The following HAL variants were observed in gnomAD, a reference collection of about 807,000 sequenced individuals.
HAL encodes histidine ammonia-lyase.
Under a neutral mutation model 81.1 loss-of-function variants are expected in HAL, and 85 were observed. The ratio of observed to expected loss-of-function variants is 1.05; its 90% CI spans 0.88 to 1.25. HAL has a LOEUF of 1.25. HAL is among the 50% of genes most tolerant of loss of function. The probability of loss-of-function intolerance (pLI) is 0.00; values close to 1 mark genes in which losing one functional copy is unlikely to be tolerated. For synonymous variants in HAL, 301 were observed against 309.2 expected, an observed-to-expected ratio of 0.97 and a Z score of 0.28; for missense variants, 798 against 836.6, an observed-to-expected ratio of 0.95 and a Z score of 0.57.
intron 4 of HAL, 52 bp downstream of exon 4, chr12:95,994,746 T>G (rs1950011935): frequency 6.4e-7 from 1 of 1,572,616 alleles, no homozygotes; most frequent in African/African-American, 1.3e-5. Context: ...TCCTCCCTCT[T>G]AAATAAGGGG....
intron 15 of HAL, among the ~76,000 whole-genome samples, chr12:95,982,760 T>A (rs571776154): frequency 6.6e-6 from 1 of 152,378 alleles, no homozygotes; most frequent in Non-Finnish European, 1.5e-5. Flanking sequence ...ACTCAGCCTG[T>A]GACCTGCTTT....
At chr12:95,983,100 G>A (rs770490185) in intron 15 of HAL, among the ~76,000 whole-genome samples, 4 of 152,188 alleles carry the variant, frequency 2.6e-5, no homozygotes, top group Non-Finnish European at 5.9e-5. Flanking sequence ...AAAAACTCAT[G>A]ATGGGGGCTG....
In HAL at chr12:95,976,095, G is replaced by A. The variant is rs1468955852; in HGVS notation, c.1833+334C>T. On this transcript the variant is annotated intron_variant, in intron 20 of 20. Coordinates refer to ENST00000261208, the MANE Select transcript of HAL (RefSeq NM_002108.4). ...GTGATAGCATCACCCAGAAGGGAAC[G>A]CACTTTTGAATCAAAGAGGACATCT... is the stretch of plus-strand genomic sequence containing the variant. 5 of 375,804 alleles carry A rather than the reference G, an allele frequency of 1.3e-5. No homozygotes were observed. The East Asian group carries it at 2.0e-4, about 15-fold the overall frequency. 23.3% of individuals were successfully genotyped at this position (375,804 alleles called of 1,614,324 possible). A position where few individuals can be genotyped will look rare whatever the true frequency, so the allele number is the denominator to read the frequency against.
chr12:95,989,905 A>G (rs1240145824), intron 10 of HAL: 1 of 216,750 alleles, frequency 4.6e-6, no homozygotes, highest in Non-Finnish European at 9.3e-6. Context: ...ATGCTGCTGT[A>G]ATGAAATTCA....
chr12:95,993,502 G>GT lies in HAL; in HGVS notation c.552-15dup. The stretch of plus-strand genomic sequence containing the variant: ...ACCTGAAGCTCCCTGCAACAGAAAG[G>GT]TAAAAACCCTCTTAGATACATTGCA... On this transcript the variant is annotated splice_polypyrimidine_tract_variant and intron_variant, in intron 7 of 20. Transcript: ENST00000261208. 1.3e-6 allele frequency: 2 copies of GT among 1,569,290 alleles called. No individual in the cohort carries two copies. The highest frequency in any genetic ancestry group is 1.8e-6 in the Non-Finnish European group (2 of 1,138,928).
chr12:95,993,212 AG>A (rs1440631259), intron 8 of HAL, among the ~76,000 whole-genome samples: 1 of 152,138 alleles, frequency 6.6e-6, no homozygotes, highest in Non-Finnish European at 1.5e-5. Context: ...TGAATGCAAC[AG>A]TGTCTCCATG....
At chr12:95,981,485 G>A (rs534059142) in intron 15 of HAL, among the ~76,000 whole-genome samples, 1 of 152,070 alleles carries the variant, frequency 6.6e-6, no homozygotes, top group Admixed American at 6.5e-5. Flanking sequence ...TTTATTTTCT[G>A]TATCATTCTG....
intron 2 of HAL, 75 bp downstream of exon 2, chr12:95,995,589 G>A (rs539607859): frequency 1.9e-6 from 3 of 1,590,252 alleles, no homozygotes; most frequent in African/African-American, 2.7e-5. Context: ...TTTCCCTGAG[G>A]TGGGGGTTCA....
intron 5 of HAL, 24 bp from the exon 6 acceptor site, chr12:95,994,022 G>C: frequency 6.2e-7 from 1 of 1,604,194 alleles, no homozygotes; most frequent in South Asian, 1.1e-5. Context: ...GATCAGAACT[G>C]AGCACGTTAA....
chr12:95,995,644 C>G lies in HAL; in HGVS notation c.247+20G>C, dbSNP rs1421827556. ...AGGCCAAACCGCACCCGTTCGCGGC[C>G]CTCTCCTGCAGCCACTCACCCACTT... is the stretch of plus-strand genomic sequence containing the variant. On this transcript the variant is annotated intron_variant, in intron 2 of 20. Coordinates refer to ENST00000261208, the MANE Select transcript of HAL (RefSeq NM_002108.4). 1 of 1,612,588 alleles carries G rather than the reference C, an allele frequency of 6.2e-7. No individual in the cohort carries two copies. The highest frequency in any genetic ancestry group is 2.2e-5 in the East Asian group (1 of 44,880).
At chr12:95,988,165 T>C (rs759013648) in intron 11 of HAL, 28 bp downstream of exon 11, 1 of 1,145,484 alleles carries the variant, frequency 8.7e-7, no homozygotes. Context: ...TCATGCACTA[T>C]GAACATATTT....
chr12:95,995,517 C>T (rs1950022910), intron 2 of HAL, 147 bp downstream of exon 2: 1 of 1,028,684 alleles, frequency 9.7e-7, no homozygotes, highest in East Asian at 2.5e-5. Context: ...CTTAAGATCC[C>T]CAGAGGCGTG....
At chr12:95,994,390 G>GTGGT (rs1418173650) in intron 4 of HAL, among the ~76,000 whole-genome samples, 6 of 152,208 alleles carry the variant, frequency 3.9e-5, no homozygotes, top group Non-Finnish European at 4.4e-5. Flanking sequence ...ATAAAGCCCT[G>GTGGT]TGGTTGGTTG....
Position 95,990,497 on chromosome 12 carries a change from C to T in HAL, c.751G>A (p.Val251Ile), listed in dbSNP as rs769377973. Residue 251 changes from valine to isoleucine, a missense_variant, in exon 10 of 21, where the codon GTT becomes ATT. Physicochemically the swap from Val to Ile is conservative, Grantham distance 29. Coordinates refer to ENST00000261208, the MANE Select transcript of HAL (RefSeq NM_002108.4). ...CLPYVPEKGT[V>I]GASGDLAPLS... is the part of the protein sequence containing the mutation. ...GGGGCAAGGTCTCCACTGGCACCAACGGTTCCTTTCTCTGGGACATAGGGC... is the reference window on the plus strand; with the variant it reads ...GGGGCAAGGTCTCCACTGGCACCAATGGTTCCTTTCTCTGGGACATAGGGC... The T allele has an allele frequency of 3.5e-5, 56 of 1,613,126 alleles. No homozygotes were observed. In the Middle Eastern group the frequency reaches 6.6e-4, roughly 19 times the overall value.
At chr12:95,984,049 A>G in intron 14 of HAL, 58 bp from the exon 15 acceptor site, 2 of 830,314 alleles carry the variant, frequency 2.4e-6, no homozygotes, top group Admixed American at 3.5e-5. Flanking sequence ...GAGTACCAAT[A>G]TTCTTAAAAG....
chr12:95,975,347 C>CTT (rs35532808), intron 20 of HAL, among the ~76,000 whole-genome samples: 66 of 141,982 alleles, frequency 4.6e-4, no homozygotes, highest in African/African-American at 1.0e-3. Flanking sequence ...CCTCTTTTTT[C>CTT]TTTTTTTTTT....
At chr12:95,986,359 A>G (rs1039061014) in intron 12 of HAL, among the ~76,000 whole-genome samples, 199 bp from the exon 13 acceptor site, 1 of 152,074 alleles carries the variant, frequency 6.6e-6, no homozygotes. Flanking sequence ...AGAACAAATG[A>G]CCATCAATGG....
intron 8 of HAL, 61 bp from the exon 9 acceptor site, chr12:95,992,866 T>A: frequency 7.7e-7 from 1 of 1,299,866 alleles, no homozygotes; most frequent in South Asian, 1.2e-5. Context: ...CTCCTGACAA[T>A]TGCCCTCCCT....
intron 11 of HAL, 84 bp from the exon 12 acceptor site, chr12:95,987,298 T>C: frequency 8.5e-7 from 1 of 1,182,380 alleles, no homozygotes; most frequent in Non-Finnish European, 1.3e-6. Flanking sequence ...TTTGCTTTCA[T>C]AAGAGAAAAA....
Sources: gnomAD v4.1 joint callset for allele counts (sites outside exome capture counted in the v4.1 genomes callset) on GRCh38, gnomAD v4.1.1 for gene constraint, MANE v1.5 for transcripts, NCBI Gene and HGNC (gene_info 2026-07-23, HGNC 2026-07-21) for gene names.